The following STXBP5L variants were observed in gnomAD, a reference collection of about 807,000 sequenced individuals.
The protein encoded by STXBP5L is syntaxin binding protein 5L.
Under a neutral mutation model 144.5 loss-of-function variants are expected in STXBP5L, and 65 were observed. The observed-to-expected ratio is 0.45, with a 90% CI of 0.37 to 0.55. The LOEUF (loss-of-function observed/expected upper bound fraction) is 0.55. Among genes scored for constraint, STXBP5L ranks in the 20% least tolerant of loss-of-function variants. The pLI is 0.00. For missense variants in STXBP5L, 1,298 were observed against 1,405.5 expected (o/e 0.92, Z 1.22); for synonymous variants, 505 against 469.6 (o/e 1.08, Z -0.97).
chr3:120,952,294 ATGTT>A (rs766184888), intron 2 of STXBP5L, among the ~76,000 whole-genome samples: 5 of 152,098 alleles, frequency 3.3e-5, no homozygotes, highest in Non-Finnish European at 5.9e-5. Context: ...TGCCACATTA[ATGTT>A]TAATCTATAG....
At chr3:121,080,500 T>C (rs559289012) in intron 5 of STXBP5L, among the ~76,000 whole-genome samples, 30 of 152,230 alleles carry the variant, frequency 2.0e-4, no homozygotes, top group Non-Finnish European at 4.4e-5. Flanking sequence ...TTAGAATTTC[T>C]TGTAGTGCTG....
In STXBP5L at chr3:121,097,995, T is replaced by C. The variant is rs528053093; in HGVS notation, c.471-16930T>C. The stretch of plus-strand genomic sequence containing the variant: ...TTCTATTTTAACCATTGTTAAACAG[T>C]TTTTCAATCATATACTTTAGCAGTT... On this transcript the variant is annotated intron_variant, in intron 5 of 26. Transcript: ENST00000471454. 2.0e-5 allele frequency among the ~76,000 whole-genome samples: 3 copies of C among 152,232 alleles called. No individual in the cohort carries two copies. In the East Asian group the frequency reaches 5.8e-4, roughly 29 times the overall value.
chr3:121,296,588 T>G (rs759238046), intron 19 of STXBP5L, among the ~76,000 whole-genome samples: 1 of 152,184 alleles, frequency 6.6e-6, no homozygotes, highest in East Asian at 1.9e-4. Flanking sequence ...ATTAACTGAA[T>G]GCCAGACAGA....
Position 121,041,911 on chromosome 3 carries a change from T to C in STXBP5L, c.369+130T>C, listed in dbSNP as rs1947184693. 12 of 608,066 alleles carry C rather than the reference T, an allele frequency of 2.0e-5. 1 individual carries two copies. The South Asian group carries it at 2.9e-4, about 15-fold the overall frequency. 37.7% of individuals were successfully genotyped at this position (608,066 alleles called of 1,614,324 possible). ...ATGCATGCAATATTACTTCTGATTA[T>C]ATTTTTCACAAAAGACTGTACTCCT... On this transcript the variant is annotated intron_variant, in intron 4 of 26. Transcript: ENST00000471454.
chr3:120,980,460 CTTTTT>C (rs35037881), intron 3 of STXBP5L, among the ~76,000 whole-genome samples: 1 of 144,840 alleles, frequency 6.9e-6, no homozygotes, highest in Non-Finnish European at 1.5e-5. Context: ...TAATGTCCTG[CTTTTT>C]TTTTTTTTAA....
chr3:121,179,387 A>G (rs183341014), intron 9 of STXBP5L, among the ~76,000 whole-genome samples: 1 of 152,320 alleles, frequency 6.6e-6, no homozygotes, highest in Non-Finnish European at 1.5e-5. Context: ...AGTATGATCC[A>G]TAAGAGGGAA....
At chr3:121,314,013 G>C (rs2108519974) in intron 19 of STXBP5L, among the ~76,000 whole-genome samples, 1 of 151,968 alleles carries the variant, frequency 6.6e-6, no homozygotes, top group East Asian at 2.0e-4. Flanking sequence ...GCCAGGCAGA[G>C]ACGCTCCTCA....
rs2050305031 is a variant in STXBP5L, at chr3:121,259,160, A to G, written c.1950A>G (p.Ala650=). The G allele has an allele frequency of 1.3e-6, 2 of 1,564,266 alleles. No individual in the cohort carries two copies. The highest frequency in any genetic ancestry group is 2.5e-5 in the South Asian group (2 of 80,226). The change falls in exon 18 of 27, where the codon GCA becomes GCG. Residue 650 remains alanine (A), a synonymous_variant. Transcript: ENST00000471454. The part of the protein sequence containing the change: ...QQITSLAVSS[A]YGIVAFGNCN... ...TTACTAGTCTTGCTGTAAGCTCAGC[A>G]TATGGAATGTAAGTAATTAAACTTT... is the stretch of plus-strand genomic sequence containing the variant.
chr3:121,359,006 T>C (rs1479573113), intron 20 of STXBP5L, among the ~76,000 whole-genome samples: 3 of 152,168 alleles, frequency 2.0e-5, no homozygotes, highest in Non-Finnish European at 2.9e-5. Flanking sequence ...ATATAGTAAG[T>C]AGCTCAGTTT....
chr3:120,943,696 T>A (rs1183911272), intron 2 of STXBP5L, among the ~76,000 whole-genome samples: 1 of 151,572 alleles, frequency 6.6e-6, no homozygotes. Flanking sequence ...ATATGATGAG[T>A]TTCCTGTGAA....
At chr3:121,036,935 A>G (rs1275943204) in intron 3 of STXBP5L, among the ~76,000 whole-genome samples, 2 of 151,764 alleles carry the variant, frequency 1.3e-5, no homozygotes, top group Non-Finnish European at 2.9e-5. Flanking sequence ...TTAAAAATAT[A>G]TATTTTTTAG....
chr3:121,061,750 GT>G (rs1299587401), intron 5 of STXBP5L, among the ~76,000 whole-genome samples: 1 of 152,132 alleles, frequency 6.6e-6, no homozygotes, highest in East Asian at 1.9e-4. Flanking sequence ...GTTGATCTTT[GT>G]TGGTTTAAAG....
At chr3:121,392,202 C>G (rs2046606161) in intron 22 of STXBP5L, among the ~76,000 whole-genome samples, 1 of 152,150 alleles carries the variant, frequency 6.6e-6, no homozygotes, top group African/African-American at 2.4e-5. Flanking sequence ...ATGGGACCTG[C>G]CAAGCCAGGC....
At chr3:121,415,727 A>C in intron 24 of STXBP5L, 130 bp from the exon 25 acceptor site, 1 of 529,950 alleles carries the variant, frequency 1.9e-6, no homozygotes, top group South Asian at 4.1e-5. Context: ...CACAGCAAAA[A>C]TCACCATGAA....
chr3:121,222,963 A>G (rs989925334), intron 10 of STXBP5L, 40 bp from the exon 11 acceptor site: 4 of 1,559,392 alleles, frequency 2.6e-6, no homozygotes, highest in Non-Finnish European at 3.5e-6. Context: ...GTGTCATTTT[A>G]AAGGACTTCT....
At chr3:121,328,314 A>G (rs1000441988) in intron 20 of STXBP5L, among the ~76,000 whole-genome samples, 1 of 152,230 alleles carries the variant, frequency 6.6e-6, no homozygotes, top group Non-Finnish European at 1.5e-5. Context: ...AATCCTGACA[A>G]GATTCTTGTG....
chr3:121,341,940 C>T (rs2044728471), intron 20 of STXBP5L, among the ~76,000 whole-genome samples: 1 of 152,016 alleles, frequency 6.6e-6, no homozygotes, highest in African/African-American at 2.4e-5. Flanking sequence ...CACAACATGA[C>T]TACAGTCAAC....
chr3:121,196,785 C>T (rs1018608564), intron 9 of STXBP5L, among the ~76,000 whole-genome samples: 3 of 151,940 alleles, frequency 2.0e-5, no homozygotes, highest in Admixed American at 6.6e-5. Context: ...TCCTCCCACC[C>T]GAGCCTTTCA....
intron 3 of STXBP5L, among the ~76,000 whole-genome samples, chr3:120,965,027 G>A (rs1939385522): frequency 6.6e-6 from 1 of 152,036 alleles, no homozygotes; most frequent in East Asian, 1.9e-4. Context: ...ATTATGTAAT[G>A]GCCTTCTTTG....
Sources: gnomAD v4.1 joint callset for allele counts (sites outside exome capture counted in the v4.1 genomes callset) on GRCh38, gnomAD v4.1.1 for gene constraint, MANE v1.5 for transcripts, NCBI Gene and HGNC (gene_info 2026-07-23, HGNC 2026-07-21) for gene names.